Variants in SGCZ observed in about 807,000 individuals in gnomAD.
SGCZ encodes sarcoglycan zeta.
A neutral mutation model predicts 41.3 loss-of-function variants in SGCZ; 40 were observed. The ratio of observed to expected loss-of-function variants is 0.97; its 90% CI spans 0.75 to 1.26. SGCZ has a LOEUF of 1.26. Among genes scored for constraint, SGCZ ranks in the 50% most tolerant of loss-of-function variants. The probability of loss-of-function intolerance (pLI) is 0.00; values close to 1 mark genes in which losing one functional copy is unlikely to be tolerated. For synonymous variants in SGCZ, 206 were observed against 137.5 expected (o/e 1.50, Z -3.49); for missense variants, 552 against 369.8 (o/e 1.49, Z -4.04).
At chr8:14,183,968 G>A (rs369479249) in intron 4 of SGCZ, among the ~76,000 whole-genome samples, 2 of 152,094 alleles carry the variant, frequency 1.3e-5, no homozygotes, top group East Asian at 1.9e-4. Flanking sequence ...GTTAAGAAGT[G>A]AACTTAGCAA....
chr8:14,310,082 T>C (rs1801483589), intron 3 of SGCZ, among the ~76,000 whole-genome samples: 1 of 152,182 alleles, frequency 6.6e-6, no homozygotes, highest in African/African-American at 2.4e-5. Flanking sequence ...GAGCATATTT[T>C]GCTGGTTTGA....
chr8:14,416,035 G>C (rs1799484573), intron 2 of SGCZ, among the ~76,000 whole-genome samples: 1 of 151,940 alleles, frequency 6.6e-6, no homozygotes, highest in African/African-American at 2.4e-5. Context: ...CTGTGAGTTA[G>C]TGAGGGCAAC....
chr8:14,655,713 G>C (rs1232537402), intron 1 of SGCZ, among the ~76,000 whole-genome samples: 1 of 152,028 alleles, frequency 6.6e-6, no homozygotes, highest in Non-Finnish European at 1.5e-5. Flanking sequence ...TCAAGATAAA[G>C]AATATTTCCA....
chr8:14,855,718 G>C (rs931252888), intron 1 of SGCZ, among the ~76,000 whole-genome samples: 5 of 152,156 alleles, frequency 3.3e-5, no homozygotes, highest in African/African-American at 1.2e-4. Context: ...ATTTTTCCCA[G>C]AAATACTCTC....
At chr8:14,510,313 T>C (rs1360379615) in intron 2 of SGCZ, among the ~76,000 whole-genome samples, 1 of 152,134 alleles carries the variant, frequency 6.6e-6, no homozygotes, top group Non-Finnish European at 1.5e-5. Flanking sequence ...CAAGTTCTGT[T>C]ACTAGCTAGA....
At chr8:14,769,606 G>T (rs1340693130) in intron 1 of SGCZ, among the ~76,000 whole-genome samples, 2 of 151,704 alleles carry the variant, frequency 1.3e-5, no homozygotes, top group African/African-American at 4.8e-5. Context: ...AGCCTGGCCA[G>T]CATGGCGAAA....
At chr8:15,222,054 T>C (rs1801622668) in intron 1 of SGCZ, among the ~76,000 whole-genome samples, 1 of 152,194 alleles carries the variant, frequency 6.6e-6, no homozygotes, top group African/African-American at 2.4e-5. Flanking sequence ...TCCTTCGTAA[T>C]TACGTAACAT....
At chr8:14,561,871 C>T (rs1804217049) in intron 1 of SGCZ, among the ~76,000 whole-genome samples, 1 of 152,056 alleles carries the variant, frequency 6.6e-6, no homozygotes, top group Non-Finnish European at 1.5e-5. Flanking sequence ...ATGAAAGATG[C>T]CTGATCAAAT....
intron 1 of SGCZ, among the ~76,000 whole-genome samples, chr8:14,593,422 C>A (rs995372021): frequency 1.3e-5 from 2 of 152,112 alleles, no homozygotes; most frequent in Admixed American, 6.6e-5. Flanking sequence ...TGTCTGATCT[C>A]CAGAACGGTA....
rs1053356889 is a variant in SGCZ at position 14,983,184 on chromosome 8, T to C, written c.39+254401A>G. On this transcript the variant is annotated intron_variant, in intron 1 of 7. Coordinates refer to ENST00000382080, the MANE Select transcript of SGCZ (RefSeq NM_139167.4). ...TCGGTGCTGTCACTCCTTTTTTTTT[T>C]CTTTTTTCTTTTTTTTTTTGAGACA... Among the ~76,000 whole-genome samples the C allele has an allele frequency of 1.0e-4, 7 of 68,200 alleles. No homozygotes were observed. The Admixed American group carries it at 1.1e-3, about 10-fold the overall frequency. The allele number at this position is 68,200 out of a possible 152,430, so 44.7% of individuals were successfully genotyped here.
At chr8:14,651,130 T>A (rs534493896) in intron 1 of SGCZ, among the ~76,000 whole-genome samples, 1 of 152,018 alleles carries the variant, frequency 6.6e-6, no homozygotes, top group Non-Finnish European at 1.5e-5. Flanking sequence ...CAATTAAGAA[T>A]GTTACTATAA....
intron 3 of SGCZ, among the ~76,000 whole-genome samples, chr8:14,307,466 T>G (rs1446563157): frequency 6.6e-6 from 1 of 152,140 alleles, no homozygotes; most frequent in African/African-American, 2.4e-5. Flanking sequence ...TACATTCCAG[T>G]TTTTCTCTCC....
chr8:14,680,070 T>C (rs1258347531), intron 1 of SGCZ, among the ~76,000 whole-genome samples: 2 of 152,034 alleles, frequency 1.3e-5, no homozygotes, highest in Non-Finnish European at 2.9e-5. Context: ...AATGATGAAA[T>C]TGTCTAAGTA....
intron 4 of SGCZ, among the ~76,000 whole-genome samples, chr8:14,178,891 CA>C (rs1804634767): frequency 1.3e-5 from 2 of 152,118 alleles, no homozygotes; most frequent in South Asian, 4.2e-4. Context: ...AGGTCATTTC[CA>C]ATGTAAAAAG....
chr8:14,480,257 T>C (rs978414144), intron 2 of SGCZ, among the ~76,000 whole-genome samples: 1 of 152,212 alleles, frequency 6.6e-6, no homozygotes, highest in African/African-American at 2.4e-5. Context: ...TATATTCTAG[T>C]ACATTACACT....
chr8:14,302,138 ATTATG>A (rs759519623), intron 3 of SGCZ, among the ~76,000 whole-genome samples: 3 of 149,764 alleles, frequency 2.0e-5, no homozygotes, highest in Non-Finnish European at 3.0e-5. Context: ...AGAGGAACCT[ATTATG>A]TTATATTAAT....
In SGCZ at chr8:14,089,618, CT is replaced by C; in HGVS notation, c.*824del. On this transcript the variant is annotated 3_prime_UTR_variant, in exon 8 of 8. Transcript: ENST00000382080. ...ATGGATTTAATACCATCAACATATC[CT>C]TCTTAATCCTGTCTTATATTGCAAT... Among the ~76,000 whole-genome samples the C allele has an allele frequency of 6.6e-6, 1 of 152,034 alleles. No homozygotes were observed. The highest frequency in any genetic ancestry group is 6.6e-5 in the Admixed American group (1 of 15,228).
At chr8:15,093,657 C>A (rs1806230768) in intron 1 of SGCZ, among the ~76,000 whole-genome samples, 2 of 152,078 alleles carry the variant, frequency 1.3e-5, no homozygotes, top group Non-Finnish European at 2.9e-5. Context: ...GGTAGAACAT[C>A]AACAGAACAC....
chr8:14,384,896 T>C (rs34983820), intron 2 of SGCZ, among the ~76,000 whole-genome samples: 7,532 of 152,336 alleles, frequency 0.049, 277 homozygotes, highest in Admixed American at 0.12. Flanking sequence ...TAAGTCCCAG[T>C]TGAGCAAAAT....
Sources: gnomAD v4.1 joint callset for allele counts (sites outside exome capture counted in the v4.1 genomes callset) on GRCh38, gnomAD v4.1.1 for gene constraint, MANE v1.5 for transcripts, NCBI Gene and HGNC (gene_info 2026-07-23, HGNC 2026-07-21) for gene names.